The following PCDHA7 variants were observed in gnomAD, a reference collection of about 807,000 sequenced individuals.
The protein encoded by PCDHA7 is protocadherin alpha 7.
In PCDHA7, 37 loss-of-function variants were observed where a neutral mutation model predicts 57.2. That is an observed-to-expected ratio of 0.65 (90% CI 0.50 to 0.85). The LOEUF is 0.85. Ranked by LOEUF, PCDHA7 falls within the 40% of genes least tolerant of loss-of-function variation. The pLI is 0.00. For missense variants in PCDHA7, 1,188 were observed against 1,241.8 expected (o/e 0.96, Z 0.65); for synonymous variants, 553 against 558.8 (o/e 0.99, Z 0.15).
intron 3 of PCDHA7, among the ~76,000 whole-genome samples, chr5:141,004,289 CAG>C (rs1383902638): frequency 1.3e-5 from 2 of 152,130 alleles, no homozygotes; most frequent in Non-Finnish European, 2.9e-5. Context: ...GCTGAGCTCT[CAG>C]AGATGTTTGT....
At chr5:140,934,319 A>G (rs1292813425) in intron 1 of PCDHA7, among the ~76,000 whole-genome samples, 1 of 152,146 alleles carries the variant, frequency 6.6e-6, no homozygotes, top group Non-Finnish European at 1.5e-5. Context: ...CAAATGTCCA[A>G]TCATGAATGT....
At chr5:140,870,125 A>G (rs782777018) in intron 1 of PCDHA7, 29 of 1,613,792 alleles carry the variant, frequency 1.8e-5, no homozygotes, top group African/African-American at 2.7e-5. Flanking sequence ...GAAATCTTGG[A>G]CACCAACGAT....
At chr5:140,842,602 G>C in intron 1 of PCDHA7, 1 of 1,547,148 alleles carries the variant, frequency 6.5e-7, no homozygotes, top group Non-Finnish European at 8.8e-7. Context: ...TGGTAACCGC[G>C]CGGGACGGGG....
At chr5:140,843,344 G>T in intron 1 of PCDHA7, 1 of 1,596,078 alleles carries the variant, frequency 6.3e-7, no homozygotes, top group Non-Finnish European at 8.6e-7. Flanking sequence ...GAGCGGCCAG[G>T]CTCCAAAAGC....
At chr5:140,889,387 C>G (rs1174974313) in intron 1 of PCDHA7, among the ~76,000 whole-genome samples, 1 of 151,966 alleles carries the variant, frequency 6.6e-6, no homozygotes, top group East Asian at 1.9e-4. Context: ...AAGGACCATT[C>G]AGAGTTTAAT....
At chr5:140,912,797 G>C (rs2076071117) in intron 1 of PCDHA7, among the ~76,000 whole-genome samples, 1 of 152,128 alleles carries the variant, frequency 6.6e-6, no homozygotes, top group South Asian at 2.1e-4. Flanking sequence ...CAATTTTCTT[G>C]AGGGTTTTTA....
chr5:140,988,206 G>GA (rs200168674), intron 3 of PCDHA7, among the ~76,000 whole-genome samples: 41 of 150,634 alleles, frequency 2.7e-4, no homozygotes, highest in Admixed American at 4.6e-4. Flanking sequence ...TCCTTATTAG[G>GA]AAAAAAAAAT....
At chr5:140,998,118 G>A (rs545818682) in intron 3 of PCDHA7, among the ~76,000 whole-genome samples, 5 of 152,282 alleles carry the variant, frequency 3.3e-5, no homozygotes, top group Admixed American at 1.3e-4. Flanking sequence ...AAATTTACTT[G>A]TGAATCATAA....
intron 1 of PCDHA7, chr5:140,928,860 G>A: frequency 1.2e-6 from 2 of 1,614,154 alleles, no homozygotes; most frequent in Non-Finnish European, 1.7e-6. Flanking sequence ...GTGTGCTGTT[G>A]AGCAACTCTG....
chr5:140,945,430 T>C (rs1389561787), intron 1 of PCDHA7, among the ~76,000 whole-genome samples: 2 of 152,082 alleles, frequency 1.3e-5, no homozygotes, highest in African/African-American at 4.8e-5. Flanking sequence ...ATGAAGTTTT[T>C]ACAGAAATAT....
In PCDHA7 at chr5:140,882,282, G is replaced by T. The variant is rs145553181; in HGVS notation, c.2355+45544G>T. On this transcript the variant is annotated intron_variant, in intron 1 of 3. Coordinates refer to ENST00000525929, the MANE Select transcript of PCDHA7 (RefSeq NM_018910.3). Reference sequence around the variant, plus strand: ...TTGGAGTGTACCATGCTGTCTTCCTGGCAAGGAGGCCCAAGACCGCGGCAA... The same window carrying T: ...TTGGAGTGTACCATGCTGTCTTCCTTGCAAGGAGGCCCAAGACCGCGGCAA... 4.2e-5 allele frequency: 68 copies of T among 1,612,712 alleles called. No individual in the cohort carries two copies. The African/African-American group carries it at 8.4e-4, about 20-fold the overall frequency.
rs536640692 is a variant in PCDHA7 at position 140,927,687 on chromosome 5, T to TG, written c.2356-51258dup. ...CCTTGGATCCAGATGAAGGGTCCAATGGGGAAGTCCAGTACTCCCTAAGCA... is the reference window on the plus strand; with the variant it reads ...CCTTGGATCCAGATGAAGGGTCCAATGGGGGAAGTCCAGTACTCCCTAAGCA... On this transcript the variant is annotated intron_variant, in intron 1 of 3. Coordinates refer to ENST00000525929, the MANE Select transcript of PCDHA7 (RefSeq NM_018910.3). The TG allele has an allele frequency of 3.2e-4, 518 of 1,614,158 alleles. 3 individuals carry two copies. In the Middle Eastern group the frequency reaches 0.011, roughly 35 times the overall value.
chr5:140,853,169 G>C lies in PCDHA7; in HGVS notation c.2355+16431G>C, dbSNP rs1002466846. 32 of 959,704 alleles carry C rather than the reference G, an allele frequency of 3.3e-5. 1 individual carries two copies. The South Asian group carries it at 1.3e-3, about 40-fold the overall frequency. 59.4% of individuals were successfully genotyped at this position (959,704 alleles called of 1,614,324 possible). ...GCTGGGATTACAGGCGTGAGCCACC[G>C]CGCCTGGCCTAAAATGTGTTCTTTA... On this transcript the variant is annotated intron_variant, in intron 1 of 3. Transcript: ENST00000525929.
At chr5:140,871,062 C>T (rs1434880600) in intron 1 of PCDHA7, 2 of 1,613,102 alleles carry the variant, frequency 1.2e-6, no homozygotes, top group African/African-American at 2.7e-5. Context: ...TGAAGGATCA[C>T]GGTGAGCCGG....
chr5:140,978,994 G>A lies in PCDHA7; in HGVS notation c.2401G>A (p.Ala801Thr). The A allele has an allele frequency of 6.2e-7, 1 of 1,614,152 alleles. No homozygotes were observed. The highest frequency in any genetic ancestry group is 8.5e-7 in the Non-Finnish European group (1 of 1,180,022). The change falls in exon 2 of 4, where the codon GCA (alanine) becomes ACA (threonine). Residue 801 changes from alanine to threonine, a missense_variant. Coordinates refer to ENST00000525929, the MANE Select transcript of PCDHA7 (RefSeq NM_018910.3). ...CTGGCGTTACTCTGCCTCCCTGAGA[G>A]CAGGCATGCACAGGTATGTATTTCC... ...PDWRYSASLR[A>T]GMHSSVHLEE... is the part of the protein sequence containing the mutation.
chr5:141,009,941 C>T lies in PCDHA7; in HGVS notation c.*4C>T, dbSNP rs976573218. On this transcript the variant is annotated 3_prime_UTR_variant, in exon 4 of 4. Coordinates refer to ENST00000525929, the MANE Select transcript of PCDHA7 (RefSeq NM_018910.3). ...GACTGACAACAGTGACCAGTGAGGT[C>T]CTCAAATGGAAACAAGCCACTTAGC... is the stretch of plus-strand genomic sequence containing the variant. 6.3e-7 allele frequency: 1 copy of T among 1,597,476 alleles called. No individual in the cohort carries two copies. The highest frequency in any genetic ancestry group is 1.4e-5 in the African/African-American group (1 of 73,558).
At chr5:140,884,115 T>C (rs782303871) in intron 1 of PCDHA7, 2 of 1,613,170 alleles carry the variant, frequency 1.2e-6, no homozygotes, top group African/African-American at 2.7e-5. Context: ...CTGGCGGCGG[T>C]CGGCGCGCGC....
intron 1 of PCDHA7, among the ~76,000 whole-genome samples, chr5:140,960,361 T>C (rs1262686301): frequency 2.6e-5 from 4 of 152,194 alleles, no homozygotes; most frequent in Non-Finnish European, 4.4e-5. Context: ...TGAAATAATA[T>C]GCCAACTCTT....
At position 140,835,704 on chromosome 5, in the gene PCDHA7, G is replaced by T. The variant is rs2150242538; in HGVS notation, c.1321G>T (p.Val441Leu). 4 of 1,613,774 alleles carry T rather than the reference G, an allele frequency of 2.5e-6. No homozygotes were observed. The Admixed American group carries it at 6.7e-5, about 27-fold the overall frequency. ...GSPSLWATAS[V>L]SVEVADVNDN... Reference sequence around the variant, plus strand: ...GCCTTCTCTGTGGGCCACTGCTAGCGTGTCCGTGGAGGTGGCCGACGTGAA... The same window carrying T: ...GCCTTCTCTGTGGGCCACTGCTAGCTTGTCCGTGGAGGTGGCCGACGTGAA... The change falls in exon 1 of 4, where the codon GTG (valine) becomes TTG (leucine). Residue 441 changes from valine (V) to leucine (L), a missense_variant. By Grantham distance (32) the Val-to-Leu change is conservative. This residue lies in a region of PCDHA7 where 892 missense variants were observed against 788.5 expected (regional missense o/e 1.13). Coordinates refer to ENST00000525929, the MANE Select transcript of PCDHA7 (RefSeq NM_018910.3).
Sources: gnomAD v4.1 joint callset for allele counts (sites outside exome capture counted in the v4.1 genomes callset) on GRCh38, gnomAD v4.1.1 for gene constraint, gnomAD v4.1.1 regional missense constraint, MANE v1.5 for transcripts, NCBI Gene and HGNC (gene_info 2026-07-23, HGNC 2026-07-21) for gene names.